CHN2: variants seen among roughly 807,000 people sequenced by gnomAD.
CHN2 encodes beta-chimaerin.
Under a neutral mutation model 56.3 loss-of-function variants are expected in CHN2, and 35 were observed. That is an observed-to-expected ratio of 0.62 (90% CI 0.47 to 0.82). The LOEUF (loss-of-function observed/expected upper bound fraction) is 0.82. Among genes scored for constraint, CHN2 ranks in the 40% least tolerant of loss-of-function variants. CHN2 has a pLI of 0.00. For missense variants in CHN2, 491 were observed against 580.5 expected, an observed-to-expected ratio of 0.85 and a Z score of 1.58; for synonymous variants, 210 against 212.8, an observed-to-expected ratio of 0.99 and a Z score of 0.12.
chr7:29,359,353 T>C (rs1798555922), intron 2 of CHN2, among the ~76,000 whole-genome samples: 1 of 152,208 alleles, frequency 6.6e-6, no homozygotes, highest in Admixed American at 6.5e-5. Context: ...GCTCTCTCAA[T>C]ATTTTATATA....
chr7:29,485,421 T>G (rs1050738562), intron 7 of CHN2, among the ~76,000 whole-genome samples: 1 of 152,152 alleles, frequency 6.6e-6, no homozygotes. Context: ...CCTGTGGTGA[T>G]GTATAAAAAA....
At chr7:29,362,815 G>A (rs1255783361) in intron 2 of CHN2, among the ~76,000 whole-genome samples, 1 of 152,084 alleles carries the variant, frequency 6.6e-6, no homozygotes, top group Non-Finnish European at 1.5e-5. Context: ...AAAGTACTTG[G>A]CCCACCTTGG....
chr7:29,149,784 T>G (rs1793336773), intron 2 of CHN2, among the ~76,000 whole-genome samples: 1 of 152,112 alleles, frequency 6.6e-6, no homozygotes, highest in Non-Finnish European at 1.5e-5. Flanking sequence ...AATCTCTGCT[T>G]CAGCCTTCCA....
intron 6 of CHN2, among the ~76,000 whole-genome samples, chr7:29,408,297 C>CT (rs940230381): frequency 3.9e-5 from 6 of 152,112 alleles, no homozygotes; most frequent in African/African-American, 9.7e-5. Flanking sequence ...ACCTGTCGGT[C>CT]TTTTTTGGCT....
chr7:29,298,885 T>A (rs13227449), intron 1 of CHN2, among the ~76,000 whole-genome samples: 33,204 of 151,804 alleles, frequency 0.22, 4,090 homozygotes, highest in Non-Finnish European at 0.29. Flanking sequence ...AAAAAAAAAA[T>A]TATGATAGGA....
At chr7:29,419,626 ACAACT>A (rs1176293003) in intron 6 of CHN2, among the ~76,000 whole-genome samples, 2 of 151,756 alleles carry the variant, frequency 1.3e-5, no homozygotes, top group African/African-American at 4.9e-5. Flanking sequence ...AAAAACTCCT[ACAACT>A]CAACAACAAC....
At chr7:29,164,246 A>T (rs1242717085) in intron 2 of CHN2, among the ~76,000 whole-genome samples, 1 of 152,166 alleles carries the variant, frequency 6.6e-6, no homozygotes, top group East Asian at 1.9e-4. Context: ...ATGACTAATG[A>T]TGTCCAGCAT....
intron 6 of CHN2, among the ~76,000 whole-genome samples, chr7:29,415,635 G>A (rs1057211713): frequency 5.9e-5 from 9 of 152,182 alleles, no homozygotes; most frequent in Admixed American, 2.0e-4. Flanking sequence ...GGAGAGGGGG[G>A]AGGCTGGAGA....
chr7:29,509,043 C>G (rs974475451), intron 11 of CHN2, among the ~76,000 whole-genome samples: 1 of 152,184 alleles, frequency 6.6e-6, no homozygotes, highest in Non-Finnish European at 1.5e-5. Context: ...TGCTGGTTTA[C>G]AGATTCATGG....
Position 29,340,069 on chromosome 7 carries a change from C to G in CHN2, c.50-14556C>G, listed in dbSNP as rs115144837. ...TTTTTTCTTTCAAAAGATCAAGGAA[C>G]AAGCAAGCATGATGTGCTGTGGGAA... is the stretch of plus-strand genomic sequence containing the variant. On this transcript the variant is annotated intron_variant, in intron 1 of 12. Transcript: ENST00000222792. 1.7e-3 allele frequency among the ~76,000 whole-genome samples: 262 copies of G among 151,970 alleles called. 1 individual carries two copies. The highest frequency in any genetic ancestry group is 6.2e-3 in the African/African-American group (257 of 41,448).
intron 9 of CHN2, among the ~76,000 whole-genome samples, chr7:29,501,998 T>C (rs1180784239): frequency 2.0e-5 from 3 of 152,128 alleles, no homozygotes; most frequent in Non-Finnish European, 4.4e-5. Context: ...CCTCATAAGG[T>C]GGTTGGTGAG....
chr7:29,464,822 G>C (rs1388067586), intron 6 of CHN2, among the ~76,000 whole-genome samples: 1 of 152,222 alleles, frequency 6.6e-6, no homozygotes, highest in Non-Finnish European at 1.5e-5. Flanking sequence ...ACATGTGCAA[G>C]GTGAGGAAGC....
At chr7:29,218,350 C>T (rs1238095804) in intron 1 of CHN2, among the ~76,000 whole-genome samples, 1 of 152,020 alleles carries the variant, frequency 6.6e-6, no homozygotes, top group Admixed American at 6.6e-5. Context: ...GTAAGATAAG[C>T]GTTTGGACTG....
intron 2 of CHN2, among the ~76,000 whole-genome samples, chr7:29,163,732 C>T (rs1338379922): frequency 1.3e-5 from 2 of 152,182 alleles, no homozygotes; most frequent in Non-Finnish European, 2.9e-5. Flanking sequence ...TGCTGATCAG[C>T]TTTCCATTAC....
intron 1 of CHN2, among the ~76,000 whole-genome samples, chr7:29,195,629 A>AGAGAGAGAGAGAGAGAGTGTGTGT (rs869037854): frequency 2.8e-4 from 33 of 117,546 alleles, no homozygotes; most frequent in African/African-American, 7.9e-4. Flanking sequence ...AGAGAGAGAG[A>AGAGAGAGAGAGAGAGAGTGTGTGT]GTGTGTGTGT....
At chr7:29,390,746 C>T (rs901077684) in intron 3 of CHN2, among the ~76,000 whole-genome samples, 4 of 152,236 alleles carry the variant, frequency 2.6e-5, no homozygotes, top group African/African-American at 7.2e-5. Flanking sequence ...ATGGCCAACA[C>T]GGAGCCTTGC....
At chr7:29,284,381 C>T (rs1791981287) in intron 1 of CHN2, among the ~76,000 whole-genome samples, 1 of 152,332 alleles carries the variant, frequency 6.6e-6, no homozygotes, top group East Asian at 1.9e-4. Context: ...AGGCATGAGC[C>T]ACCACATTTG....
At chr7:29,236,633 C>T (rs1375530228) in intron 1 of CHN2, among the ~76,000 whole-genome samples, 3 of 152,222 alleles carry the variant, frequency 2.0e-5, no homozygotes, top group Non-Finnish European at 2.9e-5. Flanking sequence ...TGTATTGTTT[C>T]TTGTTGCTGC....
chr7:29,331,363 G>T (rs575612198), intron 1 of CHN2, among the ~76,000 whole-genome samples: 1 of 152,326 alleles, frequency 6.6e-6, no homozygotes, highest in East Asian at 1.9e-4. Context: ...GGGGCAACAA[G>T]AGGAAATTGT....
Sources: gnomAD v4.1 joint callset for allele counts (sites outside exome capture counted in the v4.1 genomes callset) on GRCh38, gnomAD v4.1.1 for gene constraint, MANE v1.5 for transcripts, NCBI Gene and HGNC (gene_info 2026-07-23, HGNC 2026-07-21) for gene names.